Variants in DUXA observed in about 807,000 individuals in gnomAD.
DUXA encodes the protein double homeobox protein A.
In DUXA, 25 loss-of-function variants were observed where a neutral mutation model predicts 27.5. That is an observed-to-expected ratio of 0.91 (90% confidence interval 0.66 to 1.27). DUXA has a LOEUF of 1.27. DUXA is among the 50% of genes most tolerant of loss of function. The pLI, the probability that DUXA is intolerant of heterozygous loss-of-function variation, is 0.00. For synonymous variants in DUXA, 90 were observed against 80.5 expected, an observed-to-expected ratio of 1.12 and a Z score of -0.63; for missense variants, 247 against 242.9, an observed-to-expected ratio of 1.02 and a Z score of -0.11.
Position 57,154,323 on chromosome 19 carries a change from G to T in DUXA, c.*89C>A. ...CCATCTTCAGAAGGCTTAGCTTGCA[G>T]TTTCAGCAGAAGGATAGACTCCCAG... is the stretch of plus-strand genomic sequence containing the variant. On this transcript the variant is annotated 3_prime_UTR_variant, in exon 6 of 6. Coordinates refer to ENST00000554048, the MANE Select transcript of DUXA (RefSeq NM_001012729.2). 7.9e-7 allele frequency: 1 copy of T among 1,272,014 alleles called. No homozygotes were observed. The highest frequency in any genetic ancestry group is 1.1e-6 in the Non-Finnish European group (1 of 883,136). 78.8% of individuals were successfully genotyped at this position (1,272,014 alleles called of 1,614,324 possible).
At chr19:57,155,062 T>C (rs939526710) in intron 5 of DUXA, among the ~76,000 whole-genome samples, 3 of 152,180 alleles carry the variant, frequency 2.0e-5, no homozygotes, top group South Asian at 2.1e-4. Flanking sequence ...TGGAATCCAG[T>C]TGGAAAGTGG....
At chr19:57,163,247 A>G (rs1015287178) in intron 1 of DUXA, among the ~76,000 whole-genome samples, 1 of 151,544 alleles carries the variant, frequency 6.6e-6, no homozygotes, top group African/African-American at 2.4e-5. Flanking sequence ...TCCCTCCCTG[A>G]CCCTCCGGTC....
chr19:57,164,090 C>G (rs2087038530), intron 1 of DUXA, among the ~76,000 whole-genome samples: 1 of 152,080 alleles, frequency 6.6e-6, no homozygotes, highest in Admixed American at 6.6e-5. Flanking sequence ...TACTCAAAAG[C>G]AGGCAAATAG....
At chr19:57,154,582 T>TA in intron 5 of DUXA, 100 bp from the exon 6 acceptor site, 1 of 878,790 alleles carries the variant, frequency 1.1e-6, no homozygotes, top group South Asian at 1.6e-5. Flanking sequence ...TTTTTTTTTT[T>TA]AGACGGAGTC....
intron 2 of DUXA, 132 bp from the exon 3 acceptor site, chr19:57,159,410 C>T: frequency 2.4e-6 from 2 of 828,822 alleles, no homozygotes; most frequent in Non-Finnish European, 3.7e-6. Flanking sequence ...CACATTCTAC[C>T]AAGTCCTTTT....
intron 1 of DUXA, among the ~76,000 whole-genome samples, chr19:57,167,120 G>C (rs2087058825): frequency 6.6e-6 from 1 of 152,062 alleles, no homozygotes; most frequent in African/African-American, 2.4e-5. Context: ...CTCTGTTTTA[G>C]CATCTGTCTC....
chr19:57,165,307 A>AG (rs1475720145), intron 1 of DUXA, among the ~76,000 whole-genome samples: 15 of 65,088 alleles, frequency 2.3e-4, no homozygotes, highest in African/African-American at 9.1e-4. Flanking sequence ...TTTCTGGAGT[A>AG]GGAAAAAAAA....
Position 57,158,483 on chromosome 19 carries a change from G to C in DUXA, c.293-10C>G, listed in dbSNP as rs772603348. On this transcript the variant is annotated splice_polypyrimidine_tract_variant and intron_variant, in intron 3 of 5. Coordinates refer to ENST00000554048, the MANE Select transcript of DUXA (RefSeq NM_001012729.2). ...CGTCTGGCTTCTCTACCTAGGGAAG[G>C]CATGGAAAGATGGAGGGGGGCGGTC... is the stretch of plus-strand genomic sequence containing the variant. 1.9e-6 allele frequency: 3 copies of C among 1,608,722 alleles called. No homozygotes were observed. Among genetic ancestry groups the C allele is most frequent in the African/African-American group, 2.7e-5 (2 of 74,822 alleles).
intron 3 of DUXA, 107 bp from the exon 4 acceptor site, chr19:57,158,580 G>A (rs904579569): frequency 1.6e-5 from 22 of 1,354,422 alleles, no homozygotes; most frequent in African/African-American, 7.2e-5. Flanking sequence ...CTCCAATTTC[G>A]ATCCCACTGA....
intron 1 of DUXA, among the ~76,000 whole-genome samples, chr19:57,161,205 A>G (rs1042857494): frequency 6.6e-6 from 1 of 150,964 alleles, no homozygotes; most frequent in African/African-American, 2.4e-5. Context: ...TGTGCCTGTA[A>G]TCCCAGCTAC....
At position 57,155,814 on chromosome 19, in the gene DUXA, G is replaced by A. The variant is rs187972511; in HGVS notation, c.439-442C>T. 6.5e-3 allele frequency among the ~76,000 whole-genome samples: 992 copies of A among 151,932 alleles called. 14 individuals carry two copies. The highest frequency in any genetic ancestry group is 0.023 in the African/African-American group (948 of 41,406). ...CTCCCAAGCAGCTGGGATTATAGGC[G>A]CCAACCACCATACCCGGCTAATTTT... is the stretch of plus-strand genomic sequence containing the variant. On this transcript the variant is annotated intron_variant, in intron 4 of 5. Transcript: ENST00000554048.
At chr19:57,167,306 TAC>T (rs2087059648) in intron 1 of DUXA, 111 bp downstream of exon 1, 1 of 1,342,870 alleles carries the variant, frequency 7.4e-7, no homozygotes, top group Non-Finnish European at 1.1e-6. Context: ...CCTATCCAGA[TAC>T]AGTTAAAGTT....
intron 1 of DUXA, among the ~76,000 whole-genome samples, chr19:57,164,837 G>A (rs1232394659): frequency 1.3e-5 from 2 of 152,102 alleles, no homozygotes; most frequent in African/African-American, 4.8e-5. Context: ...AAGGGTTAAA[G>A]TTTAATAAAA....
chr19:57,162,013 C>A (rs751693538), intron 1 of DUXA, among the ~76,000 whole-genome samples: 1 of 152,130 alleles, frequency 6.6e-6, no homozygotes, highest in Non-Finnish European at 1.5e-5. Context: ...ACCTCAGCCT[C>A]CTGAGTAGCT....
chr19:57,164,300 G>C (rs1289115479), intron 1 of DUXA, among the ~76,000 whole-genome samples: 1 of 152,150 alleles, frequency 6.6e-6, no homozygotes, highest in African/African-American at 2.4e-5. Flanking sequence ...CATTGGCCGG[G>C]CACAGTGGCT....
chr19:57,161,343 A>AAAAAAAAAAC (rs1568464248), intron 1 of DUXA, among the ~76,000 whole-genome samples: 1 of 131,654 alleles, frequency 7.6e-6, no homozygotes, highest in African/African-American at 2.8e-5. Flanking sequence ...AAAAAAAAAA[A>AAAAAAAAAAC]CTGGGCGCGG....
At chr19:57,158,803 C>T (rs4801201) in intron 3 of DUXA, among the ~76,000 whole-genome samples, 98,761 of 152,016 alleles carry the variant, frequency 0.65, 32,317 homozygotes, top group South Asian at 0.79. Flanking sequence ...ACCAATATGG[C>T]GAAACCTCGT....
At chr19:57,163,333 G>C (rs1306969551) in intron 1 of DUXA, among the ~76,000 whole-genome samples, 1 of 152,052 alleles carries the variant, frequency 6.6e-6, no homozygotes, top group Non-Finnish European at 1.5e-5. Flanking sequence ...GTTTTGTAGA[G>C]ATGGCCTTTC....
intron 1 of DUXA, among the ~76,000 whole-genome samples, chr19:57,163,361 G>A (rs1177244870): frequency 6.6e-6 from 1 of 152,008 alleles, no homozygotes; most frequent in Non-Finnish European, 1.5e-5. Flanking sequence ...TGCCCAGGCT[G>A]TATGAGACTC....
Sources: allele counts gnomAD v4.1 joint callset (sites outside exome capture counted in the v4.1 genomes callset), GRCh38; gene constraint gnomAD v4.1.1; transcripts MANE v1.5; gene names NCBI Gene and HGNC (gene_info 2026-07-23, HGNC 2026-07-21).